MARCHF3: variants seen among roughly 807,000 people sequenced by gnomAD.
MARCHF3 encodes the protein E3 ubiquitin-protein ligase MARCHF3.
MARCHF3 carries 13 observed loss-of-function variants against 24.2 expected under a neutral mutation model. The observed-to-expected ratio is 0.54, with a 90% CI of 0.35 to 0.85. The LOEUF is 0.85. Ranked by LOEUF, MARCHF3 falls within the 40% of genes least tolerant of loss-of-function variation. MARCHF3 has a pLI of 0.01. For synonymous variants in MARCHF3, 144 were observed against 137.3 expected, an observed-to-expected ratio of 1.05 and a Z score of -0.34; for missense variants, 276 against 325.0, an observed-to-expected ratio of 0.85 and a Z score of 1.16.
intron 1 of MARCHF3, among the ~76,000 whole-genome samples, chr5:127,003,855 C>A (rs540469239): frequency 1.3e-5 from 2 of 152,292 alleles, no homozygotes; most frequent in South Asian, 4.1e-4. Flanking sequence ...GACACATTTG[C>A]ACACACATGT....
intron 1 of MARCHF3, among the ~76,000 whole-genome samples, chr5:126,998,769 C>G (rs147238208): frequency 6.6e-6 from 1 of 152,284 alleles, no homozygotes; most frequent in East Asian, 1.9e-4. Flanking sequence ...CCCTGTCCCA[C>G]TCTCTCCCTG....
chr5:126,960,160 T>G (rs530130393), intron 1 of MARCHF3, among the ~76,000 whole-genome samples: 1 of 152,290 alleles, frequency 6.6e-6, no homozygotes, highest in African/African-American at 2.4e-5. Flanking sequence ...TTCTACTGTT[T>G]CCAGGAGGTC....
intron 1 of MARCHF3, among the ~76,000 whole-genome samples, chr5:127,017,330 C>A (rs573709246): frequency 6.6e-5 from 10 of 152,130 alleles, no homozygotes; most frequent in African/African-American, 2.2e-4. Flanking sequence ...GAAGATATGT[C>A]AAATTAAAAA....
chr5:126,987,155 A>G (rs1379474220), intron 1 of MARCHF3, among the ~76,000 whole-genome samples: 4 of 152,326 alleles, frequency 2.6e-5, no homozygotes, highest in African/African-American at 9.6e-5. Flanking sequence ...TTTCTTGGAG[A>G]AGAAGGAATT....
intron 1 of MARCHF3, among the ~76,000 whole-genome samples, chr5:126,967,041 G>T (rs1358367278): frequency 1.3e-5 from 2 of 148,306 alleles, no homozygotes; most frequent in Non-Finnish European, 3.0e-5. Context: ...CTTCAGTGGT[G>T]ATTTGTGAGA....
At chr5:126,889,962 C>G (rs1296027624) in intron 3 of MARCHF3, among the ~76,000 whole-genome samples, 1 of 152,134 alleles carries the variant, frequency 6.6e-6, no homozygotes, top group Non-Finnish European at 1.5e-5. Flanking sequence ...AGACATGTCC[C>G]TCAGTAGCAT....
chr5:126,886,830 C>T (rs1335024770), intron 3 of MARCHF3, among the ~76,000 whole-genome samples: 10 of 152,294 alleles, frequency 6.6e-5, no homozygotes, highest in African/African-American at 2.4e-4. Flanking sequence ...AACACCAACA[C>T]CTGGTGGCTC....
In MARCHF3 at chr5:126,956,656, A is replaced by C. The variant is rs1215422562; in HGVS notation, c.-56-38429T>G. On this transcript the variant is annotated intron_variant, in intron 1 of 4. Coordinates refer to ENST00000308660, the MANE Select transcript of MARCHF3 (RefSeq NM_178450.5). Reference sequence around the variant, plus strand: ...TGAGGCTCTGTCTCCAAAAAAAAAAAAAAAAAAAAAAAAAACCAAAAAAAC... The same window carrying C: ...TGAGGCTCTGTCTCCAAAAAAAAAACAAAAAAAAAAAAAAACCAAAAAAAC... Among the ~76,000 whole-genome samples the C allele has an allele frequency of 1.5e-4, 21 of 140,578 alleles. 1 individual carries two copies. In the South Asian group the frequency reaches 4.4e-3, roughly 29 times the overall value. The allele number at this position is 140,578 out of a possible 152,430, so 92.2% of individuals were successfully genotyped here.
chr5:126,902,150 G>C (rs1754126726), intron 3 of MARCHF3, among the ~76,000 whole-genome samples: 2 of 152,028 alleles, frequency 1.3e-5, no homozygotes, highest in Admixed American at 1.3e-4. Flanking sequence ...AACCTGGCTG[G>C]ATTTCCTCCC....
At chr5:127,003,131 A>C (rs1375529353) in intron 1 of MARCHF3, among the ~76,000 whole-genome samples, 1 of 121,214 alleles carries the variant, frequency 8.2e-6, no homozygotes, top group Non-Finnish European at 1.7e-5. Flanking sequence ...AAGAAAAAAG[A>C]AAAAAAAAAA....
At chr5:126,990,484 T>C (rs560282129) in intron 1 of MARCHF3, among the ~76,000 whole-genome samples, 18 of 152,304 alleles carry the variant, frequency 1.2e-4, no homozygotes, top group Non-Finnish European at 2.1e-4. Flanking sequence ...GATATAGGCA[T>C]GGGCAAGGAC....
At position 126,962,326 on chromosome 5, in the gene MARCHF3, C is replaced by T. The variant is rs1024562620; in HGVS notation, c.-56-44099G>A. The stretch of plus-strand genomic sequence containing the variant: ...TGGGCTAGTCATTTCATTTCTGTGG[C>T]CCTAAATTTCTTCATTTGGAAAATG... On this transcript the variant is annotated intron_variant, in intron 1 of 4. Coordinates refer to ENST00000308660, the MANE Select transcript of MARCHF3 (RefSeq NM_178450.5). Among the ~76,000 whole-genome samples the T allele has an allele frequency of 5.3e-5, 8 of 151,964 alleles. No homozygotes were observed. In the South Asian group the frequency reaches 1.0e-3, roughly 20 times the overall value.
chr5:126,903,916 A>T (rs564893599), intron 3 of MARCHF3, among the ~76,000 whole-genome samples: 1 of 149,544 alleles, frequency 6.7e-6, no homozygotes, highest in South Asian at 2.1e-4. Flanking sequence ...GCACCTACTA[A>T]CTCGTCATCT....
chr5:126,919,144 C>G (rs537057078), intron 1 of MARCHF3, among the ~76,000 whole-genome samples: 43 of 152,306 alleles, frequency 2.8e-4, no homozygotes, highest in South Asian at 6.2e-4. Flanking sequence ...GAATTCTGCT[C>G]CCAATCTGTG....
intron 3 of MARCHF3, among the ~76,000 whole-genome samples, chr5:126,913,107 CTG>C (rs546047671): frequency 1.3e-5 from 2 of 152,200 alleles, no homozygotes; most frequent in Non-Finnish European, 2.9e-5. Flanking sequence ...CTCTCTGAGA[CTG>C]AGAGAGATCA....
At chr5:126,943,221 G>A (rs966147765) in intron 1 of MARCHF3, among the ~76,000 whole-genome samples, 1 of 152,188 alleles carries the variant, frequency 6.6e-6, no homozygotes, top group African/African-American at 2.4e-5. Flanking sequence ...TTGAACCCAG[G>A]AGGTAGAGGT....
At chr5:126,953,849 T>A (rs1056035006) in intron 1 of MARCHF3, among the ~76,000 whole-genome samples, 1 of 152,230 alleles carries the variant, frequency 6.6e-6, no homozygotes, top group African/African-American at 2.4e-5. Flanking sequence ...ACTTCTAGGA[T>A]TGGATGTCTA....
At chr5:127,007,829 C>T (rs550709911) in intron 1 of MARCHF3, among the ~76,000 whole-genome samples, 2 of 152,078 alleles carry the variant, frequency 1.3e-5, no homozygotes, top group Admixed American at 1.3e-4. Context: ...TTGCTGAGGG[C>T]TAGTATATTT....
intron 1 of MARCHF3, among the ~76,000 whole-genome samples, chr5:126,996,762 C>A: frequency 6.7e-6 from 1 of 150,112 alleles, no homozygotes; most frequent in African/African-American, 2.5e-5. Flanking sequence ...CTGATTAAAT[C>A]AATAATTGAT....
Sources: allele counts gnomAD v4.1 joint callset (sites outside exome capture counted in the v4.1 genomes callset), GRCh38; gene constraint gnomAD v4.1.1; transcripts MANE v1.5; gene names NCBI Gene and HGNC (gene_info 2026-07-23, HGNC 2026-07-21).